PDE3B: variants seen among roughly 807,000 people sequenced by gnomAD.
The protein encoded by PDE3B is cGMP-inhibited 3',5'-cyclic phosphodiesterase 3B.
PDE3B carries 66 observed loss-of-function variants against 116.8 expected under a neutral mutation model. That is an observed-to-expected ratio of 0.56 (90% CI 0.46 to 0.69). The LOEUF (loss-of-function observed/expected upper bound fraction) is 0.69, where lower values mean the gene tolerates loss of function less well. Ranked by LOEUF, PDE3B falls within the 30% of genes least tolerant of loss-of-function variation. PDE3B has a pLI of 0.00. For synonymous variants in PDE3B, 595 were observed against 533.6 expected, an observed-to-expected ratio of 1.12 and a Z score of -1.59; for missense variants, 1,384 against 1,368.1, an observed-to-expected ratio of 1.01 and a Z score of -0.18.
At position 14,644,135 on chromosome 11, in the gene PDE3B, C is replaced by T. The variant is rs772295329; in HGVS notation, c.60C>T (p.Ala20=). 6.9e-6 allele frequency: 11 copies of T among 1,587,266 alleles called. No individual in the cohort carries two copies. The African/African-American group carries it at 1.2e-4, about 18-fold the overall frequency. ...GGTCCCTGCAGCCGCCGGATGGGGCCGGCTCGCCCCCCGAGAGTCTGAGGA... is the reference window on the plus strand; with the variant it reads ...GGTCCCTGCAGCCGCCGGATGGGGCTGGCTCGCCCCCCGAGAGTCTGAGGA... ...AMRSLQPPDG[A]GSPPESLRNG... is the part of the protein sequence containing the mutation. Residue 20 remains alanine, a synonymous_variant, in exon 1 of 16, where the codon GCC becomes GCT. Transcript: ENST00000282096.
At chr11:14,892,379 C>T in the PDE3B span, 3 of 652,026 alleles carry the variant, frequency 4.6e-6, no homozygotes, top group Admixed American at 2.8e-5. Context: ...TAGTTTTGCG[C>T]GGCTGAGAGT....
intron 14 of PDE3B, 145 bp downstream of exon 14, chr11:14,861,511 T>C: frequency 1.4e-6 from 1 of 725,994 alleles, no homozygotes; most frequent in Non-Finnish European, 2.3e-6. Context: ...TTTGCTTTGG[T>C]TCTTAGTATT....
chr11:14,761,533 G>A (rs1857359332), intron 1 of PDE3B, among the ~76,000 whole-genome samples: 1 of 152,124 alleles, frequency 6.6e-6, no homozygotes, highest in Non-Finnish European at 1.5e-5. Context: ...TTCTCAAAAT[G>A]TAGTGTTAAT....
chr11:14,652,398 T>C (rs1486566365), intron 1 of PDE3B, among the ~76,000 whole-genome samples: 1 of 152,176 alleles, frequency 6.6e-6, no homozygotes, highest in East Asian at 1.9e-4. Context: ...TTAGTAAGTT[T>C]TGAAATCATG....
chr11:14,845,090 A>C (rs886617043), intron 12 of PDE3B, among the ~76,000 whole-genome samples: 2 of 151,996 alleles, frequency 1.3e-5, no homozygotes, highest in Non-Finnish European at 2.9e-5. Flanking sequence ...GGCACCCCCT[A>C]GTAGGGGCAG....
intron 4 of PDE3B, among the ~76,000 whole-genome samples, chr11:14,800,713 G>T (rs561220166): frequency 9.2e-5 from 14 of 152,118 alleles, no homozygotes; most frequent in Non-Finnish European, 2.1e-4. Context: ...GTCTTGTTAG[G>T]TTGGGGATGT....
the PDE3B span, chr11:14,886,026 C>G: frequency 9.3e-7 from 1 of 1,075,114 alleles, no homozygotes; most frequent in African/African-American, 1.6e-5. Flanking sequence ...TGTTACGTCC[C>G]TGAAAATATA....
chr11:14,644,069 C>A lies in PDE3B; in HGVS notation c.-7C>A, dbSNP rs1490102362. 1 of 1,515,682 alleles carries A rather than the reference C, an allele frequency of 6.6e-7. No homozygotes were observed. Among genetic ancestry groups the A allele is most frequent in the Non-Finnish European group, 8.7e-7 (1 of 1,142,970 alleles). The allele number at this position is 1,515,682 out of a possible 1,614,324, so 93.9% of individuals were successfully genotyped here. ...GCTGAGTCCCGTGGCCACCCCCGGC[C>A]CCAGCCATGAGGAGGGACGAGCGAG... is the stretch of plus-strand genomic sequence containing the variant. On this transcript the variant is annotated 5_prime_UTR_variant, in exon 1 of 16. Transcript: ENST00000282096.
chr11:14,678,235 A>G (rs149693724), intron 1 of PDE3B, among the ~76,000 whole-genome samples: 221 of 152,182 alleles, frequency 1.5e-3, no homozygotes, highest in African/African-American at 4.9e-3. Flanking sequence ...CTATCCATTC[A>G]TTCTTTGAAG....
chr11:14,758,082 T>A (rs1857246392), intron 1 of PDE3B, among the ~76,000 whole-genome samples: 1 of 151,848 alleles, frequency 6.6e-6, no homozygotes, highest in African/African-American at 2.4e-5. Context: ...ATTGCTTGTT[T>A]TTGTCAGGTT....
At chr11:14,790,263 G>C (rs1858342121) in intron 4 of PDE3B, among the ~76,000 whole-genome samples, 1 of 151,314 alleles carries the variant, frequency 6.6e-6, no homozygotes, top group Non-Finnish European at 1.5e-5. Flanking sequence ...ATGGATTGAA[G>C]TATGAAGAGT....
chr11:14,892,606 A>T, the PDE3B span, among the ~76,000 whole-genome samples: 1 of 152,140 alleles, frequency 6.6e-6, no homozygotes, highest in Non-Finnish European at 1.5e-5. Flanking sequence ...ATTTCATTTC[A>T]CACTAGGAAA....
At chr11:14,737,328 G>A (rs1235032360) in intron 1 of PDE3B, among the ~76,000 whole-genome samples, 1 of 152,120 alleles carries the variant, frequency 6.6e-6, no homozygotes, top group Non-Finnish European at 1.5e-5. Context: ...TGAGTAGCTG[G>A]GACTACAGGC....
the PDE3B span, among the ~76,000 whole-genome samples, chr11:14,889,156 G>A: frequency 7.2e-6 from 1 of 139,840 alleles, no homozygotes. Context: ...CAATTTTAAA[G>A]TCCAGTTGTT....
chr11:14,869,753 C>T lies in PDE3B; in HGVS notation c.*93C>T. 1 of 971,620 alleles carries T rather than the reference C, an allele frequency of 1.0e-6. No homozygotes were observed. The highest frequency in any genetic ancestry group is 1.6e-6 in the Non-Finnish European group (1 of 643,350). The allele number at this position is 971,620 out of a possible 1,614,324, so 60.2% of individuals were successfully genotyped here. A position where few individuals can be genotyped will look rare whatever the true frequency, so the allele number is the denominator to read the frequency against. On this transcript the variant is annotated 3_prime_UTR_variant, in exon 16 of 16. Transcript: ENST00000282096. The stretch of plus-strand genomic sequence containing the variant: ...ATTGCCTAGTGTTCACCGGCTGACT[C>T]TCAACTGACCATTCCCATGTGGACA...
chr11:14,685,541 C>T (rs1328579857), intron 1 of PDE3B, among the ~76,000 whole-genome samples: 1 of 148,474 alleles, frequency 6.7e-6, no homozygotes, highest in Admixed American at 6.8e-5. Flanking sequence ...CTGAAACCTC[C>T]ATCTCCTGGG....
chr11:14,760,681 C>G (rs1937873270), intron 1 of PDE3B, among the ~76,000 whole-genome samples: 1 of 152,114 alleles, frequency 6.6e-6, no homozygotes, highest in Non-Finnish European at 1.5e-5. Flanking sequence ...AAAGTGGAAA[C>G]AGTCATAAGT....
At chr11:14,890,703 C>T in the PDE3B span, among the ~76,000 whole-genome samples, 17 of 151,850 alleles carry the variant, frequency 1.1e-4, no homozygotes, top group Admixed American at 2.0e-4. Flanking sequence ...CCCGCCACCA[C>T]GCCCGGCTAA....
intron 1 of PDE3B, among the ~76,000 whole-genome samples, chr11:14,661,670 C>A (rs553954127): frequency 1.3e-5 from 2 of 152,194 alleles, no homozygotes; most frequent in African/African-American, 4.8e-5. Flanking sequence ...GCACCTGGCT[C>A]GGAGGGTCCT....
Sources: gnomAD v4.1 joint callset for allele counts (sites outside exome capture counted in the v4.1 genomes callset) on GRCh38, gnomAD v4.1.1 for gene constraint, MANE v1.5 for transcripts, NCBI Gene and HGNC (gene_info 2026-07-23, HGNC 2026-07-21) for gene names.